DCDC1: variants seen among roughly 807,000 people sequenced by gnomAD.
DCDC1 encodes the protein doublecortin domain-containing protein 1.
A neutral mutation model predicts 178.3 loss-of-function variants in DCDC1; 200 were observed. That is an observed-to-expected ratio of 1.12 (90% CI 1.00 to 1.26). DCDC1 has a LOEUF of 1.26. Ranked by LOEUF, DCDC1 falls within the 50% of genes most tolerant of loss-of-function variation. The pLI, the probability that DCDC1 is intolerant of heterozygous loss-of-function variation, is 0.00. For missense variants in DCDC1, 1,983 were observed against 1,749.2 expected (o/e 1.13, Z -2.38); for synonymous variants, 690 against 604.8 (o/e 1.14, Z -2.07).
At chr11:31,068,272 C>T (rs1305759694) in intron 18 of DCDC1, among the ~76,000 whole-genome samples, 1 of 152,022 alleles carries the variant, frequency 6.6e-6, no homozygotes, top group Non-Finnish European at 1.5e-5. Flanking sequence ...GGGGCACATG[C>T]TGTTATTTTG....
intron 24 of DCDC1, among the ~76,000 whole-genome samples, chr11:30,921,321 T>C (rs1378967755): frequency 6.6e-6 from 1 of 152,210 alleles, no homozygotes; most frequent in Non-Finnish European, 1.5e-5. Flanking sequence ...CGGTGTTCAA[T>C]ATATATAATA....
At position 30,922,515 on chromosome 11, in the gene DCDC1, G is replaced by T; in HGVS notation, c.3121C>A (p.His1041Asn). Residue 1041 changes from histidine to asparagine, a missense_variant, in exon 24 of 39, where the codon CAT becomes AAT. His to Asn is a moderately conservative substitution (Grantham distance 68). Transcript: ENST00000684477. Reference protein sequence around the residue: ...IAKIQIFCSTHKIEALVLEVQ... With the variant: ...IAKIQIFCSTNKIEALVLEVQ... ...TTCCAATGCTTACCTTCTATTTTAT[G>T]TGTGCTGCAGAAGATTTGAATTTTG... is the stretch of plus-strand genomic sequence containing the variant. The T allele has an allele frequency of 6.5e-7, 1 of 1,548,616 alleles. No individual in the cohort carries two copies. Among genetic ancestry groups the T allele is most frequent in the East Asian group, 2.4e-5 (1 of 41,078 alleles).
At chr11:31,367,168 A>G (rs1023597587) in intron 1 of DCDC1, among the ~76,000 whole-genome samples, 2 of 152,174 alleles carry the variant, frequency 1.3e-5, no homozygotes, top group Admixed American at 6.5e-5. Flanking sequence ...GCATAGTGGC[A>G]TGCACCTGTG....
chr11:31,008,417 CAA>C (rs921049279), intron 20 of DCDC1, among the ~76,000 whole-genome samples: 4 of 152,112 alleles, frequency 2.6e-5, no homozygotes, highest in African/African-American at 9.6e-5. Flanking sequence ...AAAAATTCAC[CAA>C]GAGATGGAAA....
chr11:31,021,680 C>T (rs561693563), intron 20 of DCDC1, among the ~76,000 whole-genome samples: 7 of 152,072 alleles, frequency 4.6e-5, no homozygotes, highest in Non-Finnish European at 1.0e-4. Flanking sequence ...CTGTTTGAAA[C>T]TCTGATTTTT....
At chr11:30,932,471 A>C (rs1406462492) in intron 21 of DCDC1, among the ~76,000 whole-genome samples, 2 of 152,216 alleles carry the variant, frequency 1.3e-5, no homozygotes, top group Non-Finnish European at 2.9e-5. Flanking sequence ...CAATTTATCC[A>C]TAAAATCATT....
rs562663719 is a variant in DCDC1 at position 31,354,846 on chromosome 11, T to A, written c.-125+14851A>T. On this transcript the variant is annotated intron_variant, in intron 1 of 38. Transcript: ENST00000684477. ...TGACTGACAGTCAGGAATCTTGGCT[T>A]ACTTTACATTTTGATTCCATCACAT... Among the ~76,000 whole-genome samples, 9 of 152,326 alleles carry A rather than the reference T, an allele frequency of 5.9e-5. 1 individual carries two copies. In the South Asian group the frequency reaches 1.9e-3, roughly 32 times the overall value.
rs1021636790 is a variant in DCDC1 at position 31,033,055 on chromosome 11, G to A, written c.2591+31414C>T. Among the ~76,000 whole-genome samples, 25 of 152,256 alleles carry A rather than the reference G, an allele frequency of 1.6e-4. No individual in the cohort carries two copies. In the South Asian group the frequency reaches 3.7e-3, roughly 23 times the overall value. On this transcript the variant is annotated intron_variant, in intron 20 of 38. Transcript: ENST00000684477. Reference sequence around the variant, plus strand: ...AGCAATTCCATCCCAGCTGTTTAGAGAGGGGCAGTTTCATCTGTCTCCAGG... The same window carrying A: ...AGCAATTCCATCCCAGCTGTTTAGAAAGGGGCAGTTTCATCTGTCTCCAGG...
At chr11:31,002,361 G>C (rs1185789331) in intron 20 of DCDC1, among the ~76,000 whole-genome samples, 1 of 152,130 alleles carries the variant, frequency 6.6e-6, no homozygotes, top group Non-Finnish European at 1.5e-5. Flanking sequence ...TGAGTTTGTA[G>C]AGGATACTTA....
At chr11:31,299,282 C>G (rs548761073) in intron 6 of DCDC1, among the ~76,000 whole-genome samples, 2 of 151,024 alleles carry the variant, frequency 1.3e-5, no homozygotes, top group Middle Eastern at 3.4e-3. Flanking sequence ...CTCAGTAACA[C>G]TAGTCTGACA....
rs553879509 is a variant in DCDC1, at chr11:31,021,308, A to C, written c.2591+43161T>G. ...ATGAGACAGCATTGATTTAAAAAGC[A>C]TAAGACTAGAAACAACCTCAACGTT... On this transcript the variant is annotated intron_variant, in intron 20 of 38. Transcript: ENST00000684477. Among the ~76,000 whole-genome samples, 18 of 152,374 alleles carry C rather than the reference A, an allele frequency of 1.2e-4. No individual in the cohort carries two copies. The South Asian group carries it at 3.3e-3, about 28-fold the overall frequency.
intron 1 of DCDC1, among the ~76,000 whole-genome samples, chr11:31,347,959 T>C (rs574097572): frequency 6.6e-6 from 1 of 152,316 alleles, no homozygotes; most frequent in South Asian, 2.1e-4. Flanking sequence ...AGATCATAAA[T>C]TGTTTTTCCT....
intron 18 of DCDC1, among the ~76,000 whole-genome samples, chr11:31,069,147 G>A (rs1956418021): frequency 6.6e-6 from 1 of 151,918 alleles, no homozygotes; most frequent in African/African-American, 2.4e-5. Flanking sequence ...CACCGCGCCT[G>A]GCCCATTAAT....
chr11:31,213,741 G>C (rs1290593999), intron 9 of DCDC1, among the ~76,000 whole-genome samples: 4 of 150,476 alleles, frequency 2.7e-5, no homozygotes, highest in Non-Finnish European at 5.9e-5. Context: ...AAAAAAAAAA[G>C]TGGTCATCTT....
chr11:30,999,270 A>G (rs1951439789), intron 20 of DCDC1, among the ~76,000 whole-genome samples: 1 of 152,154 alleles, frequency 6.6e-6, no homozygotes, highest in African/African-American at 2.4e-5. Context: ...ATACTATTGT[A>G]CCAACTCTGA....
chr11:31,253,097 C>T (rs1944163548), intron 8 of DCDC1, among the ~76,000 whole-genome samples: 2 of 152,256 alleles, frequency 1.3e-5, no homozygotes, highest in South Asian at 4.1e-4. Context: ...AAACACTACT[C>T]AGAGTGGTCA....
intron 24 of DCDC1, among the ~76,000 whole-genome samples, chr11:30,921,856 G>A (rs1946267762): frequency 6.6e-6 from 1 of 152,152 alleles, no homozygotes; most frequent in African/African-American, 2.4e-5. Flanking sequence ...AGACCCAGGA[G>A]TTGCTGAGAA....
At chr11:31,180,344 A>G (rs764461973) in intron 9 of DCDC1, among the ~76,000 whole-genome samples, 1 of 152,180 alleles carries the variant, frequency 6.6e-6, no homozygotes, top group Non-Finnish European at 1.5e-5. Flanking sequence ...ATTTATTATC[A>G]AACTACCCTG....
intron 8 of DCDC1, among the ~76,000 whole-genome samples, chr11:31,255,446 T>C (rs921165588): frequency 6.6e-6 from 1 of 152,154 alleles, no homozygotes; most frequent in Admixed American, 6.6e-5. Flanking sequence ...CCACTTTCTT[T>C]ACATCCTCAA....
Sources: gnomAD v4.1 joint callset for allele counts (sites outside exome capture counted in the v4.1 genomes callset) on GRCh38, gnomAD v4.1.1 for gene constraint, MANE v1.5 for transcripts, NCBI Gene and HGNC (gene_info 2026-07-23, HGNC 2026-07-21) for gene names.